NDRG1: variants seen among roughly 807,000 people sequenced by gnomAD.
NDRG1 encodes the protein N-myc downstream regulated 1, also known as protein NDRG1.
Under a neutral mutation model 56.9 loss-of-function variants are expected in NDRG1, and 32 were observed. The ratio of observed to expected loss-of-function variants is 0.56; its 90% confidence interval spans 0.42 to 0.76. The LOEUF (loss-of-function observed/expected upper bound fraction) is 0.76. NDRG1 is among the 30% of genes least tolerant of loss of function. The pLI, the probability that NDRG1 is intolerant of heterozygous loss-of-function variation, is 0.00. For synonymous variants in NDRG1, 211 were observed against 204.1 expected (o/e 1.03, Z -0.29); for missense variants, 507 against 545.7 (o/e 0.93, Z 0.71).
At chr8:133,260,051 T>G (rs187886691) in intron 5 of NDRG1, among the ~76,000 whole-genome samples, 12 of 152,182 alleles carry the variant, frequency 7.9e-5, no homozygotes, top group East Asian at 7.7e-4. Flanking sequence ...AGGGCAGAAG[T>G]GCGGCAAAGA....
intron 1 of NDRG1, among the ~76,000 whole-genome samples, chr8:133,290,819 C>T (rs35924787): frequency 0.033 from 5,004 of 152,246 alleles, 127 homozygotes; most frequent in African/African-American, 0.058. Flanking sequence ...CTTCCTAAGA[C>T]GGCCAACTCA....
chr8:133,246,625 A>T lies in NDRG1; in HGVS notation c.846T>A (p.Thr282=). 1 of 1,614,134 alleles carries T rather than the reference A, an allele frequency of 6.2e-7. No individual in the cohort carries two copies. The highest frequency in any genetic ancestry group is 8.5e-7 in the Non-Finnish European group (1 of 1,180,006). ...ACTGTTTTCCCTGTACCTTGAGGAG[A>T]GTGGTCTTTGTTGGGTCCAATTTTG... The part of the protein sequence containing the change: ...CNSKLDPTKT[T]LLKMADCGGL... Residue 282 remains threonine (T), a synonymous_variant, in exon 13 of 16, where the codon ACT becomes ACA. Transcript: ENST00000323851.
intron 12 of NDRG1, 59 bp downstream of exon 12, chr8:133,247,816 A>T: frequency 6.3e-7 from 1 of 1,587,092 alleles, no homozygotes; most frequent in Non-Finnish European, 8.7e-7. Context: ...ACTTCAACAA[A>T]GTCAACCAGA....
intron 8 of NDRG1, 145 bp downstream of exon 8, chr8:133,256,632 G>T (rs1856384706): frequency 9.3e-6 from 7 of 750,444 alleles, no homozygotes; most frequent in Admixed American, 6.3e-5. Context: ...AAGTAAAGCA[G>T]AGGGAACTGG....
At position 133,271,778 on chromosome 8, in the gene NDRG1, T is replaced by TAA. The variant is rs66733314; in HGVS notation, c.100-7128_100-7127dup. Among the ~76,000 whole-genome samples, 101 of 30,484 alleles carry TAA rather than the reference T, an allele frequency of 3.3e-3. 5 individuals carry two copies. Among genetic ancestry groups the TAA allele is most frequent in the African/African-American group, 8.6e-3 (64 of 7,432 alleles). 20.0% of individuals were successfully genotyped at this position (30,484 alleles called of 152,430 possible). A position where few individuals can be genotyped will look rare whatever the true frequency, so the allele number is the denominator to read the frequency against. Reference sequence around the variant, plus strand: ...ATGGGCAACAAAGGGAGACCCTGTCTAAAAAAAAAAAAAAAAAAAAAAAAA... The same window carrying TAA: ...ATGGGCAACAAAGGGAGACCCTGTCTAAAAAAAAAAAAAAAAAAAAAAAAAAA... On this transcript the variant is annotated intron_variant, in intron 3 of 15. Coordinates refer to ENST00000323851, the MANE Select transcript of NDRG1 (RefSeq NM_006096.4).
chr8:133,268,522 G>A (rs1306997553), intron 3 of NDRG1, among the ~76,000 whole-genome samples: 1 of 152,210 alleles, frequency 6.6e-6, no homozygotes, highest in Non-Finnish European at 1.5e-5. Flanking sequence ...AGGTCACACA[G>A]GGGCAGGGCT....
chr8:133,244,733 G>A (rs527627626), intron 13 of NDRG1: 1 of 465,656 alleles, frequency 2.1e-6, no homozygotes, highest in African/African-American at 2.0e-5. Context: ...GACTCGCAAG[G>A]TTCCAGGCCA....
Position 133,242,005 on chromosome 8 carries a change from G to A in NDRG1, c.943+18C>T, listed in dbSNP as rs80294106. 495 of 1,614,028 alleles carry A rather than the reference G, an allele frequency of 3.1e-4. 6 individuals are homozygous for A. In the East Asian group the frequency reaches 9.8e-3, roughly 32 times the overall value. On this transcript the variant is annotated intron_variant, in intron 15 of 15. Coordinates refer to ENST00000323851, the MANE Select transcript of NDRG1 (RefSeq NM_006096.4). ...ACACATGCCCCGACCCACTGCACAC[G>A]GGGAATGCCATACTCACTGTATCCC...
chr8:133,244,360 AGATCTGCGGGAG>A lies in NDRG1; in HGVS notation c.874_885del (p.Leu292_Ile295del). On this transcript the variant is annotated inframe_deletion, in exon 14 of 16. Coordinates refer to ENST00000323851, the MANE Select transcript of NDRG1 (RefSeq NM_006096.4). ...AAAGCCAACATGGCACTCACCTGGGAGATCTGCGGGAGGCCGCCACAGTCCGCCATCTAGGAG... is the reference window on the plus strand; with the variant it reads ...AAAGCCAACATGGCACTCACCTGGGAGCCGCCACAGTCCGCCATCTAGGAG... The A allele has an allele frequency of 6.2e-7, 1 of 1,614,220 alleles. No homozygotes were observed. Among genetic ancestry groups the A allele is most frequent in the Non-Finnish European group, 8.5e-7 (1 of 1,180,036 alleles).
chr8:133,283,633 T>C (rs1353857556), intron 2 of NDRG1, among the ~76,000 whole-genome samples: 5 of 152,244 alleles, frequency 3.3e-5, no homozygotes, highest in Non-Finnish European at 7.3e-5. Flanking sequence ...GTTCTAACTG[T>C]TCCCTATGAA....
At chr8:133,258,473 G>A in intron 6 of NDRG1, 47 bp from the exon 7 acceptor site, 1 of 1,575,256 alleles carries the variant, frequency 6.3e-7, no homozygotes, top group East Asian at 2.3e-5. Context: ...CAGAGTGACG[G>A]GAGCCTCCAA....
intron 8 of NDRG1, 154 bp from the exon 9 acceptor site, chr8:133,254,749 C>T (rs907966070): frequency 1.6e-5 from 12 of 750,978 alleles, no homozygotes; most frequent in Non-Finnish European, 2.6e-5. Flanking sequence ...AAACTCAGTT[C>T]CTGTCTCCAG....
chr8:133,254,147 C>A (rs80045948), intron 9 of NDRG1, among the ~76,000 whole-genome samples: 2,125 of 151,676 alleles, frequency 0.014, 60 homozygotes, highest in African/African-American at 0.049. Flanking sequence ...GCAAAGCAAT[C>A]TATAGAGGCC....
At position 133,238,945 on chromosome 8, in the gene NDRG1, T is replaced by C. The variant is rs1455303857; in HGVS notation, c.1118A>G (p.Asp373Gly). ...RSHTSEGAHL[D>G]ITPNSGAAGN... ...AGCAGCACCCGAGTTGGGGGTGATG[T>C]CCAGGTGGGCCCCCTCGCTGGTGTG... The change falls in exon 16 of 16, where the codon GAC becomes GGC. Residue 373 changes from aspartate to glycine, a missense_variant. Physicochemically the swap from Asp to Gly is moderately conservative, Grantham distance 94 (BLOSUM62 -1). Coordinates refer to ENST00000323851, the MANE Select transcript of NDRG1 (RefSeq NM_006096.4). The C allele has an allele frequency of 6.4e-7, 1 of 1,573,852 alleles. No individual in the cohort carries two copies. The highest frequency in any genetic ancestry group is 1.2e-5 in the South Asian group (1 of 85,742).
rs568119325 is a variant in NDRG1 at position 133,239,063 on chromosome 8, C to G, written c.1000G>C (p.Val334Leu). The G allele has an allele frequency of 6.3e-7, 1 of 1,587,146 alleles. No homozygotes were observed. The highest frequency in any genetic ancestry group is 1.2e-5 in the South Asian group (1 of 86,812). ...CTGCGGGTGCCATCCAGAGAAGTGA[C>G]GCTGGAACCAGAGGCTGTGCGGGAC... ...MRSRTASGSSVTSLDGTRSRS... is the reference protein window; with the variant it reads ...MRSRTASGSSLTSLDGTRSRS... Residue 334 changes from valine (V) to leucine (L), a missense_variant, in exon 16 of 16, where the codon GTC (valine) becomes CTC (leucine). Transcript: ENST00000323851.
In NDRG1 at chr8:133,262,431, T is replaced by C. The variant is rs2272652; in HGVS notation, c.206-264A>G. ...GTCTTGCAGTTGGTGCTGGAAGGGG[T>C]TCCCAGGCTGGCTCCTGTAGCTCCT... On this transcript the variant is annotated intron_variant, in intron 4 of 15. Coordinates refer to ENST00000323851, the MANE Select transcript of NDRG1 (RefSeq NM_006096.4). Among the ~76,000 whole-genome samples, 65,288 of 151,730 alleles carry C rather than the reference T, an allele frequency of 0.43. 15,519 individuals carry two copies. Among genetic ancestry groups the C allele is most frequent in the South Asian group, 0.66 (3,184 of 4,814 alleles).
intron 1 of NDRG1, among the ~76,000 whole-genome samples, chr8:133,294,963 G>C (rs1405901783): frequency 6.6e-6 from 1 of 152,138 alleles, no homozygotes; most frequent in East Asian, 1.9e-4. Context: ...AGCTCAGTTC[G>C]GCCTGGGCAC....
intron 3 of NDRG1, among the ~76,000 whole-genome samples, chr8:133,266,816 G>A (rs901634001): frequency 6.6e-6 from 1 of 152,360 alleles, no homozygotes; most frequent in South Asian, 2.1e-4. Context: ...GCCCCGGGGG[G>A]CTGCAGTTCC....
At chr8:133,274,575 A>C (rs1857358247) in intron 3 of NDRG1, among the ~76,000 whole-genome samples, 1 of 152,206 alleles carries the variant, frequency 6.6e-6, no homozygotes, top group African/African-American at 2.4e-5. Context: ...AATAGATAAA[A>C]TTCATTTGCC....
Sources: gnomAD v4.1 joint callset for allele counts (sites outside exome capture counted in the v4.1 genomes callset) on GRCh38, gnomAD v4.1.1 for gene constraint, MANE v1.5 for transcripts, NCBI Gene and HGNC (gene_info 2026-07-23, HGNC 2026-07-21) for gene names.